Variants in PCDH9 observed in about 807,000 individuals in gnomAD.
The protein encoded by PCDH9 is protocadherin-9.
In PCDH9, 24 loss-of-function variants were observed where a neutral mutation model predicts 70.6. That is an observed-to-expected ratio of 0.34 (90% confidence interval 0.25 to 0.48). The LOEUF (loss-of-function observed/expected upper bound fraction) is 0.48. PCDH9 is among the 20% of genes least tolerant of loss of function. The probability of loss-of-function intolerance (pLI) is 0.99; values close to 1 mark genes in which losing one functional copy is unlikely to be tolerated. For missense variants in PCDH9, 1,281 were observed against 1,503.6 expected (o/e 0.85, Z 2.45); for synonymous variants, 562 against 558.5 (o/e 1.01, Z -0.09).
At chr13:66,802,985 A>G (rs1233730230) in intron 3 of PCDH9, among the ~76,000 whole-genome samples, 1 of 152,156 alleles carries the variant, frequency 6.6e-6, no homozygotes, top group East Asian at 1.9e-4. Context: ...AAAGCACAGA[A>G]GACATTACTA....
intron 2 of PCDH9, among the ~76,000 whole-genome samples, chr13:66,962,056 CA>C (rs1167276961): frequency 7.3e-6 from 1 of 136,886 alleles, no homozygotes; most frequent in South Asian, 2.4e-4. Flanking sequence ...TCAAGAAAAA[CA>C]AAAAAACAAA....
chr13:66,988,746 G>C (rs1180317599), intron 2 of PCDH9, among the ~76,000 whole-genome samples: 1 of 151,874 alleles, frequency 6.6e-6, no homozygotes, highest in East Asian at 1.9e-4. Flanking sequence ...TATTTTTAAT[G>C]ATGAAGAAAT....
At chr13:66,537,486 A>C (rs922602520) in intron 4 of PCDH9, among the ~76,000 whole-genome samples, 2 of 152,090 alleles carry the variant, frequency 1.3e-5, no homozygotes, top group Admixed American at 6.6e-5. Flanking sequence ...AACCTCCACA[A>C]AATGAAGGAG....
intron 4 of PCDH9, among the ~76,000 whole-genome samples, chr13:66,497,284 G>A (rs1959131734): frequency 6.6e-6 from 1 of 151,688 alleles, no homozygotes; most frequent in Non-Finnish European, 1.5e-5. Flanking sequence ...ATATTGCCCA[G>A]TCTAGTTTCA....
chr13:67,080,706 G>T (rs1055876158), intron 2 of PCDH9, among the ~76,000 whole-genome samples: 2 of 152,208 alleles, frequency 1.3e-5, no homozygotes, highest in East Asian at 3.8e-4. Context: ...CACATTGTTT[G>T]TATTCAGGCA....
chr13:66,775,841 A>G (rs1052426332), intron 3 of PCDH9, among the ~76,000 whole-genome samples: 4 of 152,154 alleles, frequency 2.6e-5, no homozygotes, highest in Non-Finnish European at 5.9e-5. Flanking sequence ...CCCTAACTCC[A>G]ATGCTGTTCA....
intron 2 of PCDH9, among the ~76,000 whole-genome samples, chr13:66,966,957 T>C (rs1385356038): frequency 2.6e-5 from 4 of 152,092 alleles, no homozygotes; most frequent in African/African-American, 9.6e-5. Flanking sequence ...AAGCAGACCG[T>C]AGTCTGACTC....
At position 66,307,567 on chromosome 13, in the gene PCDH9, A is replaced by G. The variant is rs550769396; in HGVS notation, c.3341-2539T>C. On this transcript the variant is annotated intron_variant, in intron 4 of 4. Transcript: ENST00000377865. Reference sequence around the variant, plus strand: ...TTTCTAAACATCAATGGAGTTAATCACCAATTTGATATGTAACATATCTTG... The same window carrying G: ...TTTCTAAACATCAATGGAGTTAATCGCCAATTTGATATGTAACATATCTTG... Among the ~76,000 whole-genome samples the G allele has an allele frequency of 3.3e-5, 5 of 152,202 alleles. No individual in the cohort carries two copies. The East Asian group carries it at 9.7e-4, about 29-fold the overall frequency.
chr13:66,589,268 C>A (rs1254875475), intron 4 of PCDH9, among the ~76,000 whole-genome samples: 2 of 151,984 alleles, frequency 1.3e-5, no homozygotes, highest in Non-Finnish European at 2.9e-5. Flanking sequence ...TCTTCAATTA[C>A]AACGAAATTG....
intron 4 of PCDH9, among the ~76,000 whole-genome samples, chr13:66,498,654 G>T (rs1959154467): frequency 6.6e-6 from 1 of 152,038 alleles, no homozygotes; most frequent in African/African-American, 2.4e-5. Flanking sequence ...AGTAGAGCAT[G>T]CCATAATTTA....
At chr13:66,820,439 G>T (rs866794590) in intron 3 of PCDH9, among the ~76,000 whole-genome samples, 5 of 152,130 alleles carry the variant, frequency 3.3e-5, no homozygotes, top group African/African-American at 1.2e-4. Context: ...AGACAGTGTG[G>T]TAATTGCTCA....
At chr13:66,492,299 T>G (rs560651947) in intron 4 of PCDH9, among the ~76,000 whole-genome samples, 1 of 151,988 alleles carries the variant, frequency 6.6e-6, no homozygotes, top group South Asian at 2.1e-4. Flanking sequence ...CAGCCTTGTC[T>G]TACATAGACA....
chr13:67,162,713 C>G (rs140328222), intron 2 of PCDH9, among the ~76,000 whole-genome samples: 3 of 151,936 alleles, frequency 2.0e-5, no homozygotes, highest in African/African-American at 7.2e-5. Flanking sequence ...CATCTTTTTC[C>G]ACATCAGAGA....
At chr13:66,378,089 C>G (rs1008890795) in intron 4 of PCDH9, among the ~76,000 whole-genome samples, 1 of 152,118 alleles carries the variant, frequency 6.6e-6, no homozygotes, top group Admixed American at 6.6e-5. Context: ...AAATGAGACT[C>G]TAGGTTACAT....
At chr13:66,944,833 G>C (rs1459183025) in intron 2 of PCDH9, among the ~76,000 whole-genome samples, 1 of 146,376 alleles carries the variant, frequency 6.8e-6, no homozygotes, top group African/African-American at 2.6e-5. Flanking sequence ...GTGTGTGTGT[G>C]TGTGTGTGTG....
chr13:67,093,335 T>G (rs547332390), intron 2 of PCDH9, among the ~76,000 whole-genome samples: 1 of 151,926 alleles, frequency 6.6e-6, no homozygotes, highest in Non-Finnish European at 1.5e-5. Flanking sequence ...GGCTTCTGTA[T>G]CCCAGCTACC....
intron 2 of PCDH9, among the ~76,000 whole-genome samples, chr13:67,078,163 C>A (rs531649068): frequency 1.5e-3 from 225 of 152,250 alleles, no homozygotes; most frequent in African/African-American, 5.1e-3. Flanking sequence ...CTTCAGTGGC[C>A]ACCCATCAAT....
At chr13:66,451,223 A>C (rs990470383) in intron 4 of PCDH9, among the ~76,000 whole-genome samples, 1 of 152,232 alleles carries the variant, frequency 6.6e-6, no homozygotes, top group Admixed American at 6.5e-5. Context: ...TATGCTGCAC[A>C]AAATGAATGA....
intron 4 of PCDH9, among the ~76,000 whole-genome samples, chr13:66,387,892 G>C (rs1000323144): frequency 6.6e-6 from 1 of 152,030 alleles, no homozygotes; most frequent in Non-Finnish European, 1.5e-5. Context: ...ACTATGTGCT[G>C]GTGCATGGTT....
Sources: gnomAD v4.1 joint callset for allele counts (sites outside exome capture counted in the v4.1 genomes callset) on GRCh38, gnomAD v4.1.1 for gene constraint, MANE v1.5 for transcripts, NCBI Gene and HGNC (gene_info 2026-07-23, HGNC 2026-07-21) for gene names.